GRIK1: variants seen among roughly 807,000 people sequenced by gnomAD.
GRIK1 encodes glutamate receptor ionotropic, kainate 1.
A neutral mutation model predicts 105.7 loss-of-function variants in GRIK1; 69 were observed. The ratio of observed to expected loss-of-function variants is 0.65; its 90% confidence interval spans 0.54 to 0.80. The LOEUF (loss-of-function observed/expected upper bound fraction) is 0.80. Among genes scored for constraint, GRIK1 ranks in the 30% least tolerant of loss-of-function variants. The probability of loss-of-function intolerance (pLI) is 0.00; values close to 1 mark genes in which losing one functional copy is unlikely to be tolerated. For missense variants in GRIK1, 1,109 were observed against 1,167.3 expected (o/e 0.95, Z 0.73); for synonymous variants, 438 against 431.3 (o/e 1.02, Z -0.19).
At chr21:29,858,847 A>T (rs1318998059) in intron 1 of GRIK1, among the ~76,000 whole-genome samples, 1 of 151,746 alleles carries the variant, frequency 6.6e-6, no homozygotes, top group African/African-American at 2.4e-5. Context: ...AAGGGGCCAA[A>T]CACACAACTT....
chr21:29,651,368 G>A, intron 5 of GRIK1, 77 bp from the exon 6 acceptor site: 1 of 963,118 alleles, frequency 1.0e-6, no homozygotes, highest in East Asian at 2.8e-5. Flanking sequence ...ATTAATGATT[G>A]TAGCACCAAC....
intron 14 of GRIK1, among the ~76,000 whole-genome samples, chr21:29,568,104 G>A (rs1470658048): frequency 6.6e-6 from 1 of 152,182 alleles, no homozygotes; most frequent in East Asian, 1.9e-4. Flanking sequence ...TAGAGTTAAA[G>A]ATTGGTCTAT....
At chr21:29,628,481 G>T (rs967047824) in intron 7 of GRIK1, among the ~76,000 whole-genome samples, 3 of 152,142 alleles carry the variant, frequency 2.0e-5, no homozygotes, top group African/African-American at 4.8e-5. Context: ...CTCTAAATCT[G>T]CTGACTTTAA....
At chr21:29,839,197 A>G (rs2145994556) in intron 1 of GRIK1, among the ~76,000 whole-genome samples, 1 of 152,154 alleles carries the variant, frequency 6.6e-6, no homozygotes, top group South Asian at 2.1e-4. Context: ...CTACAAGCAC[A>G]TGCCACCATG....
intron 1 of GRIK1, among the ~76,000 whole-genome samples, chr21:29,858,025 C>T (rs184390192): frequency 6.3e-4 from 96 of 152,228 alleles, no homozygotes; most frequent in African/African-American, 1.7e-3. Context: ...TCAGCCCCGC[C>T]GAGTAGCTGG....
chr21:29,856,163 G>A (rs2068458053), intron 1 of GRIK1, among the ~76,000 whole-genome samples: 1 of 152,088 alleles, frequency 6.6e-6, no homozygotes, highest in Non-Finnish European at 1.5e-5. Context: ...TCATGGGGCT[G>A]GGAGAGTCAT....
At chr21:29,871,397 A>G (rs2069007141) in intron 1 of GRIK1, among the ~76,000 whole-genome samples, 1 of 152,194 alleles carries the variant, frequency 6.6e-6, no homozygotes, top group Non-Finnish European at 1.5e-5. Context: ...CACTTACTTT[A>G]TATGTGATGA....
intron 1 of GRIK1, among the ~76,000 whole-genome samples, chr21:29,751,373 G>T (rs1440111072): frequency 6.6e-6 from 1 of 152,186 alleles, no homozygotes; most frequent in African/African-American, 2.4e-5. Context: ...GCACATTTCT[G>T]TCCTTAGCTT....
intron 17 of GRIK1, 21 bp from the exon 18 acceptor site, chr21:29,537,406 A>G (rs2089897024): frequency 6.3e-7 from 1 of 1,594,410 alleles, no homozygotes; most frequent in South Asian, 1.1e-5. Flanking sequence ...TGAGATACAG[A>G]CCATCAGCTT....
chr21:29,874,421 C>T (rs1348386123), intron 1 of GRIK1, among the ~76,000 whole-genome samples: 2 of 152,218 alleles, frequency 1.3e-5, no homozygotes, highest in Non-Finnish European at 2.9e-5. Context: ...AGATGCAGAC[C>T]TTCCAAATTC....
At chr21:29,629,194 A>ATGTGTG (rs71191120) in intron 7 of GRIK1, among the ~76,000 whole-genome samples, 4,495 of 132,606 alleles carry the variant, frequency 0.034, 83 homozygotes, top group Middle Eastern at 0.047. Flanking sequence ...GAAAGGAGAA[A>ATGTGTG]TGTGTGTGTG....
At chr21:29,569,790 T>C (rs1040375841) in intron 14 of GRIK1, among the ~76,000 whole-genome samples, 9 of 152,224 alleles carry the variant, frequency 5.9e-5, no homozygotes, top group Non-Finnish European at 1.3e-4. Flanking sequence ...AGGTAATTAA[T>C]AGAATTCCAA....
At chr21:29,621,027 G>A (rs368410660) in intron 7 of GRIK1, among the ~76,000 whole-genome samples, 9 of 151,230 alleles carry the variant, frequency 6.0e-5, no homozygotes, top group East Asian at 3.9e-4. Flanking sequence ...TTTAAAATTT[G>A]GAGTATTCTT....
intron 1 of GRIK1, among the ~76,000 whole-genome samples, chr21:29,924,391 T>C (rs1021000639): frequency 6.6e-6 from 1 of 150,790 alleles, no homozygotes; most frequent in Non-Finnish European, 1.5e-5. Flanking sequence ...AGGGTTGTGA[T>C]GAAGTGATGA....
intron 14 of GRIK1, among the ~76,000 whole-genome samples, chr21:29,570,620 A>C (rs368852505): frequency 2.0e-5 from 3 of 152,366 alleles, no homozygotes; most frequent in East Asian, 3.9e-4. Flanking sequence ...TTCAGAGAAG[A>C]ATTTCCCAAA....
chr21:29,791,969 T>G (rs1395702603), intron 1 of GRIK1, among the ~76,000 whole-genome samples: 4 of 152,192 alleles, frequency 2.6e-5, no homozygotes, highest in Non-Finnish European at 4.4e-5. Flanking sequence ...TTGCTTTATA[T>G]GCTGATTTAA....
chr21:29,831,929 C>T (rs1255884771), intron 1 of GRIK1, among the ~76,000 whole-genome samples: 1 of 152,126 alleles, frequency 6.6e-6, no homozygotes, highest in Non-Finnish European at 1.5e-5. Context: ...TCCCTTTCAC[C>T]TATGAGCCTG....
At position 29,863,734 on chromosome 21, in the gene GRIK1, C is replaced by T. The variant is rs539996742; in HGVS notation, c.118+75649G>A. On this transcript the variant is annotated intron_variant, in intron 1 of 17. Coordinates refer to ENST00000327783, the MANE Select transcript of GRIK1 (RefSeq NM_001330994.2). ...ATTACAACTCTTTAAATATGGTTCA[C>T]GGTGGAGGAATGTAATAAACTATTT... Among the ~76,000 whole-genome samples, 109 of 152,158 alleles carry T rather than the reference C, an allele frequency of 7.2e-4. 1 individual carries two copies. Among genetic ancestry groups the T allele is most frequent in the African/African-American group, 2.5e-3 (102 of 41,540 alleles).
intron 1 of GRIK1, among the ~76,000 whole-genome samples, chr21:29,918,305 A>C (rs992866764): frequency 7.9e-5 from 12 of 152,102 alleles, no homozygotes; most frequent in African/African-American, 2.9e-4. Context: ...ATTCCCAAGC[A>C]CTGTACTAAT....
Sources: gnomAD v4.1 joint callset for allele counts (sites outside exome capture counted in the v4.1 genomes callset) on GRCh38, gnomAD v4.1.1 for gene constraint, MANE v1.5 for transcripts, NCBI Gene and HGNC (gene_info 2026-07-23, HGNC 2026-07-21) for gene names.